RBFOX1: variants seen among roughly 807,000 people sequenced by gnomAD.
RBFOX1 encodes the protein RNA binding protein fox-1 homolog 1.
In RBFOX1, 8 loss-of-function variants were observed where a neutral mutation model predicts 57.7. The observed-to-expected ratio is 0.14, with a 90% CI of 0.08 to 0.25. The LOEUF is 0.25. Among genes scored for constraint, RBFOX1 ranks in the 10% least tolerant of loss-of-function variants. The pLI, the probability that RBFOX1 is intolerant of heterozygous loss-of-function variation, is 1.00. For missense variants in RBFOX1, 611 were observed against 548.5 expected, an observed-to-expected ratio of 1.11 and a Z score of -1.14; for synonymous variants, 326 against 222.4, an observed-to-expected ratio of 1.47 and a Z score of -4.15.
chr16:7,064,046 G>T (rs1426207424), intron 4 of RBFOX1, among the ~76,000 whole-genome samples: 1 of 151,948 alleles, frequency 6.6e-6, no homozygotes, highest in Non-Finnish European at 1.5e-5. Flanking sequence ...ATACATGGAA[G>T]TTCTAGCCTC....
chr16:6,094,238 C>G (rs78728200), intron 1 of RBFOX1, among the ~76,000 whole-genome samples: 2,339 of 152,260 alleles, frequency 0.015, 42 homozygotes, highest in African/African-American at 0.042. Context: ...TTCCCTTTGA[C>G]GGCCTCCTTG....
chr16:5,955,342 AAAATAAAATAAATAAAAATAAAATAAAAT>A (rs2059611098), intron 4 of RBFOX1, among the ~76,000 whole-genome samples: 11 of 23,938 alleles, frequency 4.6e-4, no homozygotes, highest in Admixed American at 1.3e-3. Flanking sequence ...AAAATAAAAT[AAAATAAAATAAATAAAAATAAAATAAAAT>A]AAAATAAAAT....
At chr16:5,338,865 G>T (rs1489562981) in intron 1 of RBFOX1, among the ~76,000 whole-genome samples, 1 of 152,050 alleles carries the variant, frequency 6.6e-6, no homozygotes, top group Non-Finnish European at 1.5e-5. Context: ...TTCCCAGGCT[G>T]GTCCTGACCT....
intron 2 of RBFOX1, among the ~76,000 whole-genome samples, chr16:5,523,567 C>G (rs533332738): frequency 6.6e-6 from 1 of 152,140 alleles, no homozygotes; most frequent in African/African-American, 2.4e-5. Flanking sequence ...CAGTGAGCCA[C>G]GAACATGCCG....
intron 3 of RBFOX1, among the ~76,000 whole-genome samples, chr16:6,928,805 C>T (rs1489612028): frequency 1.3e-5 from 2 of 152,076 alleles, no homozygotes; most frequent in Non-Finnish European, 2.9e-5. Context: ...GACATATGCA[C>T]ACAGAAAAAG....
chr16:5,700,450 T>C (rs931091356), intron 3 of RBFOX1, among the ~76,000 whole-genome samples: 1 of 152,198 alleles, frequency 6.6e-6, no homozygotes, highest in Non-Finnish European at 1.5e-5. Flanking sequence ...CTCACGTTCC[T>C]CATGAAAGCG....
At chr16:7,628,821 C>T (rs968157020) in intron 10 of RBFOX1, among the ~76,000 whole-genome samples, 4 of 152,082 alleles carry the variant, frequency 2.6e-5, no homozygotes, top group Admixed American at 6.5e-5. Flanking sequence ...CCATGTTGGC[C>T]AGGCTGGTCT....
At chr16:7,357,571 A>G (rs573369992) in intron 4 of RBFOX1, among the ~76,000 whole-genome samples, 46 of 152,212 alleles carry the variant, frequency 3.0e-4, no homozygotes, top group African/African-American at 1.0e-3. Context: ...GTTTTGCTGC[A>G]TACATTTTGA....
chr16:6,846,465 G>A (rs1329349398), intron 3 of RBFOX1, among the ~76,000 whole-genome samples: 1 of 152,172 alleles, frequency 6.6e-6, no homozygotes, highest in Non-Finnish European at 1.5e-5. Flanking sequence ...AGACACCTGG[G>A]TCATAATGAG....
At chr16:6,795,464 A>C (rs2083789927) in intron 3 of RBFOX1, among the ~76,000 whole-genome samples, 1 of 152,032 alleles carries the variant, frequency 6.6e-6, no homozygotes, top group Non-Finnish European at 1.5e-5. Flanking sequence ...TCAAATGTTG[A>C]TGCTTAAAGA....
intron 2 of RBFOX1, among the ~76,000 whole-genome samples, chr16:6,367,545 C>G (rs1035209499): frequency 6.6e-6 from 1 of 152,142 alleles, no homozygotes; most frequent in African/African-American, 2.4e-5. Flanking sequence ...GCTGGGATTA[C>G]AGGCGTGAGC....
At chr16:6,358,550 T>C (rs2087808511) in intron 2 of RBFOX1, among the ~76,000 whole-genome samples, 1 of 152,222 alleles carries the variant, frequency 6.6e-6, no homozygotes, top group South Asian at 2.1e-4. Context: ...ACAATTTGAA[T>C]AGATTTCATT....
chr16:6,195,498 A>T (rs1279213835), intron 1 of RBFOX1, among the ~76,000 whole-genome samples: 1 of 152,118 alleles, frequency 6.6e-6, no homozygotes, highest in African/African-American at 2.4e-5. Flanking sequence ...CGGGCCAATC[A>T]CCTGAGGTCG....
At chr16:6,914,776 A>G (rs778521004) in intron 3 of RBFOX1, among the ~76,000 whole-genome samples, 2 of 152,170 alleles carry the variant, frequency 1.3e-5, no homozygotes, top group Non-Finnish European at 2.9e-5. Flanking sequence ...TTGAAGGCTG[A>G]AGCAAGGAGG....
intron 3 of RBFOX1, among the ~76,000 whole-genome samples, chr16:6,861,575 C>A (rs2059009266): frequency 6.8e-6 from 1 of 146,864 alleles, no homozygotes; most frequent in African/African-American, 2.5e-5. Context: ...CTTAGGCTCT[C>A]ATTTCATATG....
intron 4 of RBFOX1, among the ~76,000 whole-genome samples, chr16:7,220,110 C>T (rs2092608304): frequency 6.6e-6 from 1 of 152,182 alleles, no homozygotes; most frequent in Non-Finnish European, 1.5e-5. Context: ...AAACAAAATT[C>T]ACCATATTCA....
intron 4 of RBFOX1, among the ~76,000 whole-genome samples, chr16:7,253,695 A>G (rs2094571268): frequency 6.6e-6 from 1 of 152,114 alleles, no homozygotes; most frequent in Admixed American, 6.5e-5. Flanking sequence ...CAGGTGGCCT[A>G]GAAACCCCTA....
Position 7,433,844 on chromosome 16 carries a change from G to A in RBFOX1, c.28-84303G>A, listed in dbSNP as rs1255789585. On this transcript the variant is annotated intron_variant, in intron 4 of 15. Transcript: ENST00000550418. ...AAATACTTATTTAACACCTGTGTGT[G>A]CCATGGAGTAAGCCAAATGACAGGG... Among the ~76,000 whole-genome samples the A allele has an allele frequency of 1.3e-5, 2 of 152,176 alleles. 1 individual carries two copies. The highest frequency in any genetic ancestry group is 2.9e-5 in the Non-Finnish European group (2 of 68,036).
At chr16:6,661,932 A>G (rs996041019) in intron 3 of RBFOX1, among the ~76,000 whole-genome samples, 3 of 152,226 alleles carry the variant, frequency 2.0e-5, no homozygotes, top group South Asian at 2.1e-4. Context: ...GAGTTCTACA[A>G]TGGAATATTA....
Sources: gnomAD v4.1 joint callset for allele counts (sites outside exome capture counted in the v4.1 genomes callset) on GRCh38, gnomAD v4.1.1 for gene constraint, MANE v1.5 for transcripts, NCBI Gene and HGNC (gene_info 2026-07-23, HGNC 2026-07-21) for gene names.